Variants in AGBL1 observed in about 807,000 individuals in gnomAD.
AGBL1 encodes the protein AGBL carboxypeptidase 1, also known as cytosolic carboxypeptidase 4.
AGBL1 carries 130 observed loss-of-function variants against 118.9 expected under a neutral mutation model. That is an observed-to-expected ratio of 1.09 (90% CI 0.95 to 1.26). The LOEUF (loss-of-function observed/expected upper bound fraction) is 1.26, where lower values mean the gene tolerates loss of function less well. Among genes scored for constraint, AGBL1 ranks in the 50% most tolerant of loss-of-function variants. The probability of loss-of-function intolerance (pLI) is 0.00; values close to 1 mark genes in which losing one functional copy is unlikely to be tolerated. For synonymous variants in AGBL1, 555 were observed against 478.9 expected (o/e 1.16, Z -2.08); for missense variants, 1,584 against 1,298.1 (o/e 1.22, Z -3.38).
At chr15:87,019,147 CTTAGA>C (rs1391855043) in intron 24 of AGBL1, among the ~76,000 whole-genome samples, 1 of 152,078 alleles carries the variant, frequency 6.6e-6, no homozygotes, top group East Asian at 1.9e-4. Context: ...TACAAAAAGA[CTTAGA>C]CTAACACACA....
intron 21 of AGBL1, among the ~76,000 whole-genome samples, chr15:86,606,071 G>A (rs1210287491): frequency 7.0e-6 from 1 of 142,100 alleles, no homozygotes; most frequent in Non-Finnish European, 1.5e-5. Flanking sequence ...AGGTTGCAGT[G>A]AGCCAAGATG....
chr15:86,704,763 C>G (rs1183448744), intron 22 of AGBL1, among the ~76,000 whole-genome samples: 5 of 152,138 alleles, frequency 3.3e-5, no homozygotes, highest in Non-Finnish European at 7.3e-5. Flanking sequence ...ACCATTTGAC[C>G]CAACAATCCC....
intron 19 of AGBL1, among the ~76,000 whole-genome samples, chr15:86,523,540 C>T (rs577266927): frequency 1.2e-4 from 18 of 151,142 alleles, no homozygotes; most frequent in Non-Finnish European, 2.6e-4. Context: ...GGCAAACCCC[C>T]AGCGTAGTAG....
intron 21 of AGBL1, among the ~76,000 whole-genome samples, chr15:86,561,165 C>A (rs2083813544): frequency 6.6e-6 from 1 of 152,122 alleles, no homozygotes; most frequent in Admixed American, 6.5e-5. Flanking sequence ...TCAATTTTGG[C>A]TTTTGTTGCC....
intron 18 of AGBL1, among the ~76,000 whole-genome samples, chr15:86,433,892 C>T (rs780285798): frequency 6.6e-6 from 1 of 152,164 alleles, no homozygotes; most frequent in Non-Finnish European, 1.5e-5. Context: ...GTCCCTGTGG[C>T]CTTTTCCTCT....
chr15:86,131,643 C>G (rs7174818), intron 1 of AGBL1, among the ~76,000 whole-genome samples: 5 of 151,658 alleles, frequency 3.3e-5, no homozygotes, highest in Non-Finnish European at 4.4e-5. Context: ...AGGTAGACAC[C>G]GAATGGTAAT....
Position 86,909,639 on chromosome 15 carries a change from A to T in AGBL1, c.*2345A>T, listed in dbSNP as rs2141597607. 1 of 152,346 alleles carries T rather than the reference A, an allele frequency of 6.6e-6. No individual in the cohort carries two copies. Among genetic ancestry groups the T allele is most frequent in the Non-Finnish European group, 1.5e-5 (1 of 68,028 alleles). 9.4% of individuals were successfully genotyped at this position (152,346 alleles called of 1,614,324 possible). A position where few individuals can be genotyped will look rare whatever the true frequency, so the allele number is the denominator to read the frequency against. On this transcript the variant is annotated 3_prime_UTR_variant, in exon 23 of 23. Transcript: ENST00000614907. Reference sequence around the variant, plus strand: ...GCAAAGATAATGAAAGTGAAACCCAAACGCTATATAGCTCTTAACTCCTCC... The same window carrying T: ...GCAAAGATAATGAAAGTGAAACCCATACGCTATATAGCTCTTAACTCCTCC...
chr15:86,873,520 C>T (rs1032964296), intron 22 of AGBL1, among the ~76,000 whole-genome samples: 1 of 152,136 alleles, frequency 6.6e-6, no homozygotes, highest in Non-Finnish European at 1.5e-5. Flanking sequence ...AAATTCCAGG[C>T]CCCAAGTTGA....
intron 18 of AGBL1, among the ~76,000 whole-genome samples, chr15:86,467,070 A>G (rs990523525): frequency 4.6e-5 from 7 of 152,226 alleles, no homozygotes; most frequent in African/African-American, 1.7e-4. Flanking sequence ...AGCTGCTCCC[A>G]GAGCCACCCT....
chr15:87,003,278 G>A (rs953111265), intron 24 of AGBL1, among the ~76,000 whole-genome samples: 3 of 151,932 alleles, frequency 2.0e-5, no homozygotes, highest in Non-Finnish European at 2.9e-5. Context: ...GCTGGATTAT[G>A]TTTCTTGATT....
chr15:86,757,039 C>A (rs1336641619), intron 22 of AGBL1, among the ~76,000 whole-genome samples: 4 of 151,020 alleles, frequency 2.6e-5, no homozygotes, highest in Non-Finnish European at 4.4e-5. Flanking sequence ...CATATATTGG[C>A]TTTTGAAAAT....
chr15:86,295,479 G>A, intron 17 of AGBL1, 71 bp downstream of exon 17: 1 of 1,442,908 alleles, frequency 6.9e-7, no homozygotes, highest in African/African-American at 1.5e-5. Context: ...GAAGCATTCT[G>A]TCTCTTTTAG....
chr15:86,933,043 C>A (rs959471854), intron 23 of AGBL1: 2 of 152,190 alleles, frequency 1.3e-5, no homozygotes, highest in African/African-American at 4.8e-5. Flanking sequence ...GAATTTTAAA[C>A]AAGATAGACT....
chr15:86,629,093 C>T (rs1044976779), intron 21 of AGBL1, among the ~76,000 whole-genome samples: 3 of 152,102 alleles, frequency 2.0e-5, no homozygotes, highest in African/African-American at 7.2e-5. Context: ...AGAATTTACT[C>T]ATTTTATAGC....
intron 18 of AGBL1, among the ~76,000 whole-genome samples, chr15:86,517,658 C>A (rs1423414322): frequency 6.6e-6 from 1 of 152,162 alleles, no homozygotes; most frequent in East Asian, 1.9e-4. Context: ...TCTTCCCTTG[C>A]TCTCTGGATT....
At chr15:87,019,831 G>A (rs931240262) in intron 24 of AGBL1, among the ~76,000 whole-genome samples, 9 of 151,752 alleles carry the variant, frequency 5.9e-5, no homozygotes, top group African/African-American at 1.9e-4. Flanking sequence ...AAATCCAGGA[G>A]CCTGTTTTTT....
intron 24 of AGBL1, among the ~76,000 whole-genome samples, chr15:87,013,252 A>T (rs1021096158): frequency 6.6e-6 from 1 of 152,154 alleles, no homozygotes; most frequent in Non-Finnish European, 1.5e-5. Context: ...CTGCTCTGTT[A>T]TCTGAAAGGT....
chr15:86,995,285 C>G (rs1238748668), intron 24 of AGBL1, among the ~76,000 whole-genome samples: 2 of 152,170 alleles, frequency 1.3e-5, no homozygotes, highest in East Asian at 3.9e-4. Context: ...TATCAGGAGG[C>G]TGAGGTGGAA....
At chr15:86,320,419 CTGGTATAGAAAAA>C (rs2080087010) in intron 17 of AGBL1, among the ~76,000 whole-genome samples, 2 of 151,560 alleles carry the variant, frequency 1.3e-5, no homozygotes, top group Admixed American at 1.3e-4. Flanking sequence ...ATGATTCCTA[CTGGTATAGAAAAA>C]TGTGATGGAT....
Sources: gnomAD v4.1 joint callset for allele counts (sites outside exome capture counted in the v4.1 genomes callset) on GRCh38, gnomAD v4.1.1 for gene constraint, MANE v1.5 for transcripts, NCBI Gene and HGNC (gene_info 2026-07-23, HGNC 2026-07-21) for gene names.